DNM3: variants seen among roughly 807,000 people sequenced by gnomAD.
DNM3 encodes dynamin 3, also known as dynamin-3.
A neutral mutation model predicts 101.6 loss-of-function variants in DNM3; 47 were observed. The ratio of observed to expected loss-of-function variants is 0.46; its 90% CI spans 0.37 to 0.59. DNM3 has a LOEUF of 0.59. DNM3 is among the 20% of genes least tolerant of loss of function. The pLI, the probability that DNM3 is intolerant of heterozygous loss-of-function variation, is 0.00. For synonymous variants in DNM3, 385 were observed against 387.9 expected, an observed-to-expected ratio of 0.99 and a Z score of 0.09; for missense variants, 849 against 1,085.7, an observed-to-expected ratio of 0.78 and a Z score of 3.06.
intron 10 of DNM3, among the ~76,000 whole-genome samples, chr1:172,059,270 G>A (rs2050940914): frequency 7.5e-6 from 1 of 132,588 alleles, no homozygotes; most frequent in African/African-American, 2.9e-5. Context: ...AGAGGTACAA[G>A]GAGGAACTGG....
intron 15 of DNM3, among the ~76,000 whole-genome samples, chr1:172,264,102 T>C (rs984328233): frequency 2.0e-5 from 3 of 152,212 alleles, no homozygotes; most frequent in Non-Finnish European, 4.4e-5. Flanking sequence ...GTGACTTTCA[T>C]TAGGTCATGG....
At chr1:172,191,092 A>G (rs916712359) in intron 14 of DNM3, among the ~76,000 whole-genome samples, 5 of 152,096 alleles carry the variant, frequency 3.3e-5, no homozygotes, top group African/African-American at 9.7e-5. Context: ...GTCCTTGCCC[A>G]TGCCTATGTC....
intron 14 of DNM3, among the ~76,000 whole-genome samples, chr1:172,227,271 G>GATAT (rs140087796): frequency 0.054 from 4,196 of 77,660 alleles, 197 homozygotes; most frequent in East Asian, 0.12. Context: ...AGTATTTTGT[G>GATAT]ATATATATAT....
chr1:171,991,448 T>G (rs2045624044), intron 4 of DNM3, among the ~76,000 whole-genome samples: 1 of 152,168 alleles, frequency 6.6e-6, no homozygotes, highest in East Asian at 1.9e-4. Context: ...AACAGTTCTT[T>G]GTTATAAAGA....
At chr1:172,171,153 T>A (rs897545504) in intron 14 of DNM3, among the ~76,000 whole-genome samples, 3 of 151,728 alleles carry the variant, frequency 2.0e-5, no homozygotes, top group Non-Finnish European at 4.4e-5. Context: ...AAGGAAGATG[T>A]GAGGAATAGC....
chr1:172,027,875 A>G (rs939459633), intron 4 of DNM3, among the ~76,000 whole-genome samples: 8 of 152,220 alleles, frequency 5.3e-5, no homozygotes, highest in Admixed American at 2.0e-4. Flanking sequence ...AGAGCTAACT[A>G]TCCTAAATAT....
At chr1:172,309,426 CCTTTT>C (rs2064987357) in intron 16 of DNM3, 1 of 152,316 alleles carries the variant, frequency 6.6e-6, no homozygotes, top group Non-Finnish European at 1.5e-5. Context: ...AATAAACAGA[CCTTTT>C]CTTTGTGTTC....
intron 14 of DNM3, among the ~76,000 whole-genome samples, chr1:172,210,502 T>C (rs999965381): frequency 5.3e-5 from 8 of 151,760 alleles, no homozygotes; most frequent in African/African-American, 1.9e-4. Flanking sequence ...GCTGTATGGA[T>C]TGGGGATCAG....
intron 2 of DNM3, among the ~76,000 whole-genome samples, chr1:171,940,563 T>C (rs901265769): frequency 1.3e-5 from 2 of 152,190 alleles, no homozygotes; most frequent in Non-Finnish European, 2.9e-5. Flanking sequence ...CATTGCAATT[T>C]GGGGTGATGC....
intron 17 of DNM3, chr1:172,339,155 A>T: frequency 2.6e-6 from 1 of 389,408 alleles, no homozygotes; most frequent in Non-Finnish European, 5.0e-6. Flanking sequence ...AATGTGTAAA[A>T]AGCTTTTCCT....
At chr1:171,936,777 G>T (rs1410953922) in intron 2 of DNM3, among the ~76,000 whole-genome samples, 1 of 55,898 alleles carries the variant, frequency 1.8e-5, no homozygotes, top group African/African-American at 6.8e-5. Context: ...GGGATCCTTG[G>T]CTGGAATTGC....
At chr1:172,281,617 A>G (rs901378001) in intron 15 of DNM3, among the ~76,000 whole-genome samples, 1 of 152,198 alleles carries the variant, frequency 6.6e-6, no homozygotes, top group African/African-American at 2.4e-5. Flanking sequence ...CGTATTTAAT[A>G]TAAGTAATTA....
intron 17 of DNM3, among the ~76,000 whole-genome samples, chr1:172,323,629 G>A (rs760386142): frequency 6.6e-6 from 1 of 152,202 alleles, no homozygotes; most frequent in Middle Eastern, 3.2e-3. Flanking sequence ...AAAAGATTTT[G>A]AAGATTTAAT....
chr1:171,953,420 CTTTT>C (rs749644835), intron 2 of DNM3, among the ~76,000 whole-genome samples: 1 of 128,984 alleles, frequency 7.8e-6, no homozygotes. Flanking sequence ...ATGCGCAATT[CTTTT>C]TTTTTTTTTT....
Position 172,067,777 on chromosome 1 carries a change from G to C in DNM3, c.1336-1042G>C, listed in dbSNP as rs115535972. On this transcript the variant is annotated intron_variant, in intron 10 of 20. Coordinates refer to ENST00000627582, the MANE Select transcript of DNM3 (RefSeq NM_015569.5). ...ACCTGCATAATTTAGATGGGGTTAA[G>C]TGATTGACATACACAATTTCCATAG... is the stretch of plus-strand genomic sequence containing the variant. Among the ~76,000 whole-genome samples, 1,052 of 152,262 alleles carry C rather than the reference G, an allele frequency of 6.9e-3. 20 individuals are homozygous for C. Among genetic ancestry groups the C allele is most frequent in the African/African-American group, 0.024 (991 of 41,558 alleles).
chr1:172,372,162 G>A (rs887498326), intron 17 of DNM3, among the ~76,000 whole-genome samples: 9 of 144,942 alleles, frequency 6.2e-5, no homozygotes, highest in Non-Finnish European at 9.0e-5. Flanking sequence ...GAGAATATGC[G>A]GTGTTTGGTT....
intron 18 of DNM3, among the ~76,000 whole-genome samples, chr1:172,382,611 C>T (rs1047095862): frequency 1.3e-5 from 2 of 152,244 alleles, no homozygotes; most frequent in East Asian, 1.9e-4. Context: ...GGATAATGCA[C>T]GTGACAGGGT....
intron 13 of DNM3, among the ~76,000 whole-genome samples, 168 bp from the exon 14 acceptor site, chr1:172,131,007 T>C (rs984384005): frequency 6.6e-6 from 1 of 152,172 alleles, no homozygotes; most frequent in Non-Finnish European, 1.5e-5. Flanking sequence ...TCATCTGCAC[T>C]TTTGGAAGAT....
chr1:171,985,111 C>T (rs1207092076), intron 2 of DNM3, among the ~76,000 whole-genome samples: 2 of 152,080 alleles, frequency 1.3e-5, no homozygotes, highest in Non-Finnish European at 2.9e-5. Flanking sequence ...TGGAATGTAT[C>T]GATTAGCAGT....
Sources: gnomAD v4.1 joint callset for allele counts (sites outside exome capture counted in the v4.1 genomes callset) on GRCh38, gnomAD v4.1.1 for gene constraint, MANE v1.5 for transcripts, NCBI Gene and HGNC (gene_info 2026-07-23, HGNC 2026-07-21) for gene names.